GRIA4: variants seen among roughly 807,000 people sequenced by gnomAD.
GRIA4 encodes glutamate receptor 4.
GRIA4 carries 34 observed loss-of-function variants against 104.0 expected under a neutral mutation model. The ratio of observed to expected loss-of-function variants is 0.33; its 90% CI spans 0.25 to 0.44. The LOEUF is 0.44. Ranked by LOEUF, GRIA4 falls within the 20% of genes least tolerant of loss-of-function variation. GRIA4 has a pLI of 1.00. For synonymous variants in GRIA4, 386 were observed against 381.9 expected, an observed-to-expected ratio of 1.01 and a Z score of -0.13; for missense variants, 750 against 1,096.5, an observed-to-expected ratio of 0.68 and a Z score of 4.46.
In GRIA4 at chr11:105,657,717, C is replaced by T. The variant is rs1449392458; in HGVS notation, c.247+45283C>T. Among the ~76,000 whole-genome samples, 7 of 151,900 alleles carry T rather than the reference C, an allele frequency of 4.6e-5. 1 individual carries two copies. Among genetic ancestry groups the T allele is most frequent in the African/African-American group, 1.7e-4 (7 of 41,388 alleles). ...AACACTTTTCAGGTTCATAATCAGT[C>T]ACCTACTGATGGCACCCAGAAATGT... On this transcript the variant is annotated intron_variant, in intron 3 of 16. Coordinates refer to ENST00000282499, the MANE Select transcript of GRIA4 (RefSeq NM_000829.4).
chr11:105,885,668 T>C (rs959279710), intron 5 of GRIA4, among the ~76,000 whole-genome samples: 5 of 152,230 alleles, frequency 3.3e-5, no homozygotes, highest in African/African-American at 1.2e-4. Flanking sequence ...AAAAATTCTG[T>C]CCCCTGTACA....
intron 3 of GRIA4, among the ~76,000 whole-genome samples, chr11:105,745,237 T>C (rs1939577843): frequency 6.6e-6 from 1 of 152,222 alleles, no homozygotes; most frequent in African/African-American, 2.4e-5. Context: ...AAGTTCTTTA[T>C]GAAACATCTA....
chr11:105,616,686 T>C (rs1274247789), intron 3 of GRIA4, among the ~76,000 whole-genome samples: 2 of 151,740 alleles, frequency 1.3e-5, no homozygotes, highest in Non-Finnish European at 3.0e-5. Context: ...ATGCTAAAGA[T>C]AAAATTCTGA....
chr11:105,803,152 T>TA (rs1942794128), intron 4 of GRIA4, among the ~76,000 whole-genome samples: 1 of 151,992 alleles, frequency 6.6e-6, no homozygotes, highest in Non-Finnish European at 1.5e-5. Flanking sequence ...ACTGCTTGTA[T>TA]AAAAATCACT....
intron 3 of GRIA4, among the ~76,000 whole-genome samples, chr11:105,713,990 G>A (rs74528046): frequency 6.6e-6 from 1 of 152,124 alleles, no homozygotes; most frequent in Non-Finnish European, 1.5e-5. Flanking sequence ...CAATAATCTA[G>A]AAACTACTAA....
At chr11:105,787,344 C>CTTTCTGTATGTT (rs1194114870) in intron 4 of GRIA4, among the ~76,000 whole-genome samples, 6 of 151,956 alleles carry the variant, frequency 3.9e-5, no homozygotes, top group Non-Finnish European at 5.9e-5. Context: ...GTGTTAGACC[C>CTTTCTGTATGTT]TCTGAAGCAT....
intron 4 of GRIA4, among the ~76,000 whole-genome samples, chr11:105,807,565 G>A (rs1943001965): frequency 6.6e-6 from 1 of 151,896 alleles, no homozygotes; most frequent in Non-Finnish European, 1.5e-5. Flanking sequence ...AGAACTAGCT[G>A]TCTTGATAAA....
chr11:105,808,279 A>T (rs1024005335), intron 4 of GRIA4, among the ~76,000 whole-genome samples: 9 of 152,018 alleles, frequency 5.9e-5, no homozygotes, highest in Non-Finnish European at 7.4e-5. Context: ...TGCTACTCAT[A>T]TCTAGAACCA....
chr11:105,802,938 A>G (rs1264686612), intron 4 of GRIA4, among the ~76,000 whole-genome samples: 2 of 151,930 alleles, frequency 1.3e-5, no homozygotes, highest in East Asian at 3.9e-4. Context: ...ATCTTACAAT[A>G]GTGCTATTCA....
intron 3 of GRIA4, among the ~76,000 whole-genome samples, chr11:105,724,068 T>C (rs528587585): frequency 6.6e-6 from 1 of 152,172 alleles, no homozygotes; most frequent in Non-Finnish European, 1.5e-5. Context: ...TTGGTGGGAA[T>C]GTAAATTCAT....
chr11:105,915,821 A>C (rs986735185), intron 10 of GRIA4, among the ~76,000 whole-genome samples: 1 of 152,240 alleles, frequency 6.6e-6, no homozygotes, highest in Non-Finnish European at 1.5e-5. Context: ...TCATTAAGTC[A>C]TATGGAATCT....
rs562930235 is a variant in GRIA4, at chr11:105,762,907, C to T, written c.487+9687C>T. 1.7e-4 allele frequency among the ~76,000 whole-genome samples: 26 copies of T among 152,216 alleles called. 1 individual carries two copies. The highest frequency in any genetic ancestry group is 6.3e-4 in the African/African-American group (26 of 41,554). On this transcript the variant is annotated intron_variant, in intron 4 of 16. Transcript: ENST00000282499. ...CGTGAGAACAGGCTAATACATAGAT[C>T]AACTGTTTAATGCATCTTAACAGAT...
chr11:105,623,269 G>C (rs1259728205), intron 3 of GRIA4, among the ~76,000 whole-genome samples: 1 of 151,572 alleles, frequency 6.6e-6, no homozygotes, highest in Non-Finnish European at 1.5e-5. Context: ...ACTATTTTTA[G>C]TTCTCAGACT....
intron 3 of GRIA4, among the ~76,000 whole-genome samples, chr11:105,687,284 CAT>C (rs1289710912): frequency 4.6e-5 from 7 of 152,088 alleles, no homozygotes; most frequent in African/African-American, 1.7e-4. Context: ...TTGAAAAAGA[CAT>C]AGATTTGGAC....
intron 3 of GRIA4, among the ~76,000 whole-genome samples, chr11:105,701,620 G>A (rs919628183): frequency 2.0e-5 from 3 of 152,086 alleles, no homozygotes; most frequent in African/African-American, 7.2e-5. Flanking sequence ...CTTTCAGGAG[G>A]TGTAAGGCAA....
chr11:105,773,564 C>T (rs189442115), intron 4 of GRIA4, among the ~76,000 whole-genome samples: 125 of 152,158 alleles, frequency 8.2e-4, no homozygotes, highest in African/African-American at 1.6e-3. Flanking sequence ...CTGGGCTCTA[C>T]GCATCTCTGT....
chr11:105,820,399 C>G (rs1480761771), intron 4 of GRIA4, among the ~76,000 whole-genome samples: 1 of 152,072 alleles, frequency 6.6e-6, no homozygotes, highest in Non-Finnish European at 1.5e-5. Flanking sequence ...CTTCATAACC[C>G]TTCCTCAAAC....
intron 3 of GRIA4, among the ~76,000 whole-genome samples, chr11:105,668,137 C>T (rs1952226003): frequency 6.7e-6 from 1 of 149,352 alleles, no homozygotes; most frequent in Admixed American, 6.8e-5. Flanking sequence ...CCAAGTTCAT[C>T]CATATTGTTG....
chr11:105,957,119 T>A (rs1037462972), intron 14 of GRIA4, among the ~76,000 whole-genome samples: 17 of 152,224 alleles, frequency 1.1e-4, no homozygotes, highest in African/African-American at 4.1e-4. Context: ...TTTAATTAGA[T>A]CCCATTTGCC....
Sources: allele counts gnomAD v4.1 joint callset (sites outside exome capture counted in the v4.1 genomes callset), GRCh38; gene constraint gnomAD v4.1.1; transcripts MANE v1.5; gene names NCBI Gene and HGNC (gene_info 2026-07-23, HGNC 2026-07-21).